The following RSRC1 variants were observed in gnomAD, a reference collection of about 807,000 sequenced individuals.
RSRC1 encodes the protein serine/Arginine-related protein 53.
In RSRC1, 39 loss-of-function variants were observed where a neutral mutation model predicts 49.1. The ratio of observed to expected loss-of-function variants is 0.79; its 90% CI spans 0.61 to 1.04. The LOEUF (loss-of-function observed/expected upper bound fraction) is 1.04, where lower values mean the gene tolerates loss of function less well. Among genes scored for constraint, RSRC1 ranks in the 50% least tolerant of loss-of-function variants. The pLI, the probability that RSRC1 is intolerant of heterozygous loss-of-function variation, is 0.00. For synonymous variants in RSRC1, 143 were observed against 130.8 expected (o/e 1.09, Z -0.63); for missense variants, 388 against 402.4 (o/e 0.96, Z 0.31).
In RSRC1 at chr3:158,390,830, C is replaced by A. The variant is rs561988047; in HGVS notation, c.583+35922C>A. Among the ~76,000 whole-genome samples the A allele has an allele frequency of 2.6e-5, 4 of 152,192 alleles. No individual in the cohort carries two copies. In the South Asian group the frequency reaches 6.2e-4, roughly 24 times the overall value. On this transcript the variant is annotated intron_variant, in intron 6 of 9. Transcript: ENST00000611884. The stretch of plus-strand genomic sequence containing the variant: ...TTTGTGCGCATTGTAATTTTGGTAT[C>A]CACACATTGATGTTATTTGAAAGGA...
At chr3:158,381,921 A>G (rs909101266) in intron 6 of RSRC1, among the ~76,000 whole-genome samples, 5 of 152,166 alleles carry the variant, frequency 3.3e-5, no homozygotes, top group African/African-American at 1.2e-4. Context: ...GTTATACTAC[A>G]CTAAATTCAT....
At chr3:158,415,797 A>G (rs1334691444) in intron 6 of RSRC1, among the ~76,000 whole-genome samples, 3 of 152,064 alleles carry the variant, frequency 2.0e-5, no homozygotes, top group Non-Finnish European at 2.9e-5. Flanking sequence ...TATTAAAATA[A>G]ATTATTGTTA....
intron 7 of RSRC1, among the ~76,000 whole-genome samples, chr3:158,467,167 CTT>C (rs911631630): frequency 6.6e-6 from 1 of 152,124 alleles, no homozygotes; most frequent in African/African-American, 2.4e-5. Flanking sequence ...CCTTTAGTGA[CTT>C]TTATCAACTC....
intron 3 of RSRC1, among the ~76,000 whole-genome samples, chr3:158,192,795 G>A (rs1373522424): frequency 2.0e-5 from 3 of 152,016 alleles, no homozygotes; most frequent in Admixed American, 2.0e-4. Context: ...ACTGAAGATC[G>A]TGTATTTGGC....
intron 7 of RSRC1, among the ~76,000 whole-genome samples, chr3:158,534,375 A>G (rs1311331062): frequency 2.0e-5 from 3 of 151,722 alleles, no homozygotes; most frequent in African/African-American, 7.2e-5. Flanking sequence ...TATAAAAATT[A>G]GTTTGCTGCA....
intron 8 of RSRC1, among the ~76,000 whole-genome samples, chr3:158,541,652 T>C (rs1326637495): frequency 6.6e-6 from 1 of 152,326 alleles, no homozygotes; most frequent in South Asian, 2.1e-4. Context: ...TTCAGAATTA[T>C]AGATAAGTTA....
intron 7 of RSRC1, among the ~76,000 whole-genome samples, chr3:158,488,994 G>A (rs1978781): frequency 8.7e-4 from 133 of 152,076 alleles, no homozygotes; most frequent in Non-Finnish European, 1.4e-3. Flanking sequence ...TACTGAAGTT[G>A]TGTTGTAATA....
intron 5 of RSRC1, among the ~76,000 whole-genome samples, chr3:158,345,775 G>GTA (rs142376368): frequency 0.35 from 50,068 of 143,206 alleles, 9,571 homozygotes; most frequent in South Asian, 0.48. Context: ...ATGTGTGTGT[G>GTA]TATATATATA....
intron 4 of RSRC1, among the ~76,000 whole-genome samples, chr3:158,208,227 T>C (rs574639868): frequency 2.6e-5 from 4 of 152,244 alleles, no homozygotes; most frequent in East Asian, 3.9e-4. Context: ...TTCTTTTTTG[T>C]TTTCCCCCCA....
chr3:158,289,666 A>G (rs1176696907), intron 4 of RSRC1, among the ~76,000 whole-genome samples: 2 of 152,236 alleles, frequency 1.3e-5, no homozygotes, highest in African/African-American at 4.8e-5. Flanking sequence ...GTGTTCGCCA[A>G]TCAAGAGAAA....
intron 3 of RSRC1, among the ~76,000 whole-genome samples, chr3:158,150,999 T>C (rs896997112): frequency 6.6e-6 from 1 of 152,208 alleles, no homozygotes; most frequent in Non-Finnish European, 1.5e-5. Context: ...AATTATATAT[T>C]CCCTATGAGT....
intron 3 of RSRC1, among the ~76,000 whole-genome samples, chr3:158,173,646 A>C (rs968789376): frequency 6.6e-6 from 1 of 152,022 alleles, no homozygotes; most frequent in Non-Finnish European, 1.5e-5. Flanking sequence ...TTATCCACAC[A>C]AAGACTTGCA....
intron 5 of RSRC1, among the ~76,000 whole-genome samples, chr3:158,343,052 G>T (rs1730344155): frequency 6.6e-6 from 1 of 152,176 alleles, no homozygotes. Context: ...TCCTCACAGG[G>T]TGCCCCTTGA....
At chr3:158,254,993 A>G (rs1724452590) in intron 4 of RSRC1, among the ~76,000 whole-genome samples, 1 of 152,092 alleles carries the variant, frequency 6.6e-6, no homozygotes, top group Non-Finnish European at 1.5e-5. Context: ...GGTAGATTGC[A>G]AAAATTTTCT....
At chr3:158,409,414 A>G (rs1734315692) in intron 6 of RSRC1, among the ~76,000 whole-genome samples, 2 of 152,172 alleles carry the variant, frequency 1.3e-5, no homozygotes, top group Non-Finnish European at 1.5e-5. Flanking sequence ...ACAGAGAGGG[A>G]CATAATGTTT....
intron 6 of RSRC1, among the ~76,000 whole-genome samples, chr3:158,366,943 C>G (rs934003334): frequency 5.3e-5 from 8 of 152,064 alleles, no homozygotes; most frequent in African/African-American, 1.9e-4. Context: ...ATTTGACTCT[C>G]TGTCTGTTAC....
intron 6 of RSRC1, among the ~76,000 whole-genome samples, chr3:158,381,534 A>G (rs1230805040): frequency 6.6e-6 from 1 of 152,222 alleles, no homozygotes; most frequent in Non-Finnish European, 1.5e-5. Flanking sequence ...ATGAGGATAC[A>G]TTCTGAGAAA....
chr3:158,544,241 G>T lies in RSRC1; in HGVS notation c.971G>T (p.Arg324Leu). Residue 324 changes from arginine to leucine, a missense_variant, in exon 10 of 10, where the codon CGA becomes CTA. Physicochemically the swap from Arg to Leu is moderately radical, Grantham distance 102 (BLOSUM62 -2). Coordinates refer to ENST00000611884, the MANE Select transcript of RSRC1 (RefSeq NM_001271838.2). ...EKWFKRLIAL[R>L]QERLMGSPVA ...TGGTTCAAGAGATTAATTGCTCTCC[G>T]ACAAGAAAGACTAATGGGCAGTCCT... 6.2e-7 allele frequency: 1 copy of T among 1,612,228 alleles called. No individual in the cohort carries two copies. Among genetic ancestry groups the T allele is most frequent in the Non-Finnish European group, 8.5e-7 (1 of 1,178,990 alleles).
intron 4 of RSRC1, among the ~76,000 whole-genome samples, chr3:158,246,206 A>G (rs2108003741): frequency 6.8e-6 from 1 of 146,128 alleles, no homozygotes; most frequent in African/African-American, 2.5e-5. Flanking sequence ...ATGAGAACAC[A>G]GGGACACAGG....
Sources: allele counts gnomAD v4.1 joint callset (sites outside exome capture counted in the v4.1 genomes callset), GRCh38; gene constraint gnomAD v4.1.1; transcripts MANE v1.5; gene names NCBI Gene and HGNC (gene_info 2026-07-23, HGNC 2026-07-21).